HS3ST4: variants seen among roughly 807,000 people sequenced by gnomAD.
HS3ST4 encodes heparan sulfate-glucosamine 3-sulfotransferase 4, also known as heparan sulfate glucosamine 3-O-sulfotransferase 4.
Under a neutral mutation model 29.2 loss-of-function variants are expected in HS3ST4, and 17 were observed. The observed-to-expected ratio is 0.58, with a 90% CI of 0.40 to 0.87. The LOEUF (loss-of-function observed/expected upper bound fraction) is 0.87, where lower values mean the gene tolerates loss of function less well. HS3ST4 is among the 40% of genes least tolerant of loss of function. HS3ST4 has a pLI of 0.00. For synonymous variants in HS3ST4, 314 were observed against 285.7 expected (o/e 1.10, Z -1.00); for missense variants, 627 against 634.5 (o/e 0.99, Z 0.13).
At chr16:26,059,368 A>G (rs1233528310) in intron 1 of HS3ST4, among the ~76,000 whole-genome samples, 3 of 150,786 alleles carry the variant, frequency 2.0e-5, no homozygotes, top group Non-Finnish European at 4.4e-5. Context: ...GTGATATGTG[A>G]TTTGCTTACA....
intron 1 of HS3ST4, among the ~76,000 whole-genome samples, chr16:25,895,312 T>C (rs1596605993): frequency 6.6e-6 from 1 of 152,126 alleles, no homozygotes; most frequent in Non-Finnish European, 1.5e-5. Flanking sequence ...GCTTGCTCGG[T>C]AGACAAGGAT....
intron 1 of HS3ST4, among the ~76,000 whole-genome samples, chr16:25,731,105 C>T (rs1474315813): frequency 2.0e-5 from 3 of 151,184 alleles, no homozygotes; most frequent in Admixed American, 6.6e-5. Flanking sequence ...CAGCTGAGGA[C>T]GCTTGCCTGA....
intron 1 of HS3ST4, among the ~76,000 whole-genome samples, chr16:26,119,698 T>C (rs192807153): frequency 6.6e-6 from 1 of 152,326 alleles, no homozygotes; most frequent in Non-Finnish European, 1.5e-5. Context: ...CTTCTCTTCT[T>C]TTCTGCTTTT....
chr16:25,872,205 C>A (rs1231138135), intron 1 of HS3ST4, among the ~76,000 whole-genome samples: 1 of 152,176 alleles, frequency 6.6e-6, no homozygotes, highest in East Asian at 1.9e-4. Flanking sequence ...TGTGCTTATA[C>A]TGATGAGAAG....
At chr16:25,998,251 A>G (rs538753178) in intron 1 of HS3ST4, among the ~76,000 whole-genome samples, 160 of 152,256 alleles carry the variant, frequency 1.1e-3, no homozygotes, top group African/African-American at 3.8e-3. Flanking sequence ...ACTGCACTCC[A>G]GCCTGGGCAA....
intron 1 of HS3ST4, among the ~76,000 whole-genome samples, chr16:26,006,695 A>G (rs535703688): frequency 1.3e-5 from 2 of 152,296 alleles, no homozygotes; most frequent in South Asian, 4.1e-4. Flanking sequence ...AGACATCTCA[A>G]AAAGCCAATT....
At chr16:25,701,004 T>G (rs1234189399) in intron 1 of HS3ST4, among the ~76,000 whole-genome samples, 1 of 152,212 alleles carries the variant, frequency 6.6e-6, no homozygotes, top group Non-Finnish European at 1.5e-5. Context: ...AAAAGACATT[T>G]GATTGCCTTA....
chr16:25,994,174 T>C lies in HS3ST4; in HGVS notation c.735-141438T>C, dbSNP rs1462029303. Among the ~76,000 whole-genome samples, 5 of 152,250 alleles carry C rather than the reference T, an allele frequency of 3.3e-5. No homozygotes were observed. The East Asian group carries it at 7.7e-4, about 23-fold the overall frequency. On this transcript the variant is annotated intron_variant, in intron 1 of 1. Coordinates refer to ENST00000331351, the MANE Select transcript of HS3ST4 (RefSeq NM_006040.3). ...GGGCTAGGGCTTCAAATTTGAATCA[T>C]GGGGAGACAGGCACAAATATTCAGT...
intron 1 of HS3ST4, among the ~76,000 whole-genome samples, chr16:25,868,221 A>G (rs1967715275): frequency 6.6e-6 from 1 of 152,156 alleles, no homozygotes; most frequent in Non-Finnish European, 1.5e-5. Context: ...GGACCCAGCC[A>G]CTTTCTCTGG....
At chr16:26,053,691 C>T (rs1349953141) in intron 1 of HS3ST4, among the ~76,000 whole-genome samples, 1 of 152,150 alleles carries the variant, frequency 6.6e-6, no homozygotes, top group East Asian at 1.9e-4. Context: ...AACCTCAAAA[C>T]AGACTCTAAC....
At chr16:25,913,385 C>G (rs1350938872) in intron 1 of HS3ST4, among the ~76,000 whole-genome samples, 1 of 152,234 alleles carries the variant, frequency 6.6e-6, no homozygotes, top group South Asian at 2.1e-4. Context: ...ACCCCTTCCA[C>G]CACCTGAGGA....
intron 1 of HS3ST4, among the ~76,000 whole-genome samples, chr16:26,134,978 A>G (rs1312293104): frequency 1.3e-5 from 2 of 152,308 alleles, no homozygotes; most frequent in African/African-American, 4.8e-5. Flanking sequence ...TGAATTCTAT[A>G]TAATTTTCAT....
chr16:26,011,693 T>C (rs946501184), intron 1 of HS3ST4, among the ~76,000 whole-genome samples: 1 of 97,390 alleles, frequency 1.0e-5, no homozygotes, highest in African/African-American at 6.9e-5. Context: ...TGTGTGTGTG[T>C]GTGTGTGTGT....
At chr16:25,981,554 A>G (rs1969005689) in intron 1 of HS3ST4, among the ~76,000 whole-genome samples, 4 of 151,668 alleles carry the variant, frequency 2.6e-5, no homozygotes, top group Non-Finnish European at 5.9e-5. Context: ...TAGATTATTA[A>G]TCACACCTGG....
At chr16:25,974,397 T>C (rs113942789) in intron 1 of HS3ST4, among the ~76,000 whole-genome samples, 16,477 of 152,204 alleles carry the variant, frequency 0.11, 971 homozygotes, top group Non-Finnish European at 0.12. Context: ...TTCAACACCA[T>C]ATCCTGGGAA....
At chr16:25,775,772 C>T (rs1966847053) in intron 1 of HS3ST4, among the ~76,000 whole-genome samples, 1 of 152,220 alleles carries the variant, frequency 6.6e-6, no homozygotes, top group Admixed American at 6.5e-5. Context: ...TACTTGCCTT[C>T]TCTTCTGTCC....
intron 1 of HS3ST4, among the ~76,000 whole-genome samples, chr16:25,898,129 G>C (rs1968089013): frequency 6.6e-6 from 1 of 152,156 alleles, no homozygotes; most frequent in South Asian, 2.1e-4. Context: ...AATCTTTCTT[G>C]CTCAATGTCT....
chr16:25,693,070 G>A lies in HS3ST4; in HGVS notation c.653G>A (p.Arg218His). 1 of 1,608,686 alleles carries A rather than the reference G, an allele frequency of 6.2e-7. No homozygotes were observed. Among genetic ancestry groups the A allele is most frequent in the Non-Finnish European group, 8.5e-7 (1 of 1,177,962 alleles). The change falls in exon 1 of 2, where the codon CGC becomes CAC. Residue 218 changes from arginine to histidine, a missense_variant. By Grantham distance (29) the Arg-to-His change is conservative. Transcript: ENST00000331351. ...GGTRALLEAIRVHPDVRAVGV... is the reference protein window; with the variant it reads ...GGTRALLEAIHVHPDVRAVGV... Reference sequence around the variant, plus strand: ...ACCCGCGCGCTGCTGGAGGCGATCCGCGTGCACCCGGACGTGCGGGCGGTG... The same window carrying A: ...ACCCGCGCGCTGCTGGAGGCGATCCACGTGCACCCGGACGTGCGGGCGGTG...
intron 1 of HS3ST4, among the ~76,000 whole-genome samples, chr16:25,782,012 T>C (rs1567238818): frequency 6.6e-6 from 1 of 152,190 alleles, no homozygotes; most frequent in Non-Finnish European, 1.5e-5. Flanking sequence ...AGAGATTTAA[T>C]TGGCTTACAG....
Sources: gnomAD v4.1 joint callset for allele counts (sites outside exome capture counted in the v4.1 genomes callset) on GRCh38, gnomAD v4.1.1 for gene constraint, MANE v1.5 for transcripts, NCBI Gene and HGNC (gene_info 2026-07-23, HGNC 2026-07-21) for gene names.